The following ZNF638 variants were observed in gnomAD, a reference collection of about 807,000 sequenced individuals.
ZNF638 encodes the protein zinc finger protein 638, also known as CTCL tumor antigen se33-1.
Under a neutral mutation model 195.6 loss-of-function variants are expected in ZNF638, and 46 were observed. The observed-to-expected ratio is 0.24, with a 90% CI of 0.19 to 0.30. The LOEUF (loss-of-function observed/expected upper bound fraction) is 0.30, where lower values mean the gene tolerates loss of function less well. Ranked by LOEUF, ZNF638 falls within the 10% of genes least tolerant of loss-of-function variation. The pLI, the probability that ZNF638 is intolerant of heterozygous loss-of-function variation, is 1.00. For missense variants in ZNF638, 2,440 were observed against 2,325.3 expected (o/e 1.05, Z -1.01); for synonymous variants, 845 against 772.0 (o/e 1.09, Z -1.57).
rs1424365591 is a variant in ZNF638 at position 71,435,048 on chromosome 2, T to C, written c.*241T>C. 1 of 347,158 alleles carries C rather than the reference T, an allele frequency of 2.9e-6. No individual in the cohort carries two copies. Among genetic ancestry groups the C allele is most frequent in the Non-Finnish European group, 5.3e-6 (1 of 189,538 alleles). The allele number at this position is 347,158 out of a possible 1,614,324, so 21.5% of individuals were successfully genotyped here. ...TGTTAAAATAAATGTTCCTACTGTA[T>C]ATTTAAAATACCATCTGTGTTTGTG... On this transcript the variant is annotated 3_prime_UTR_variant, in exon 28 of 28. Transcript: ENST00000264447.
chr2:71,433,281 G>A lies in ZNF638; in HGVS notation c.5869G>A (p.Glu1957Lys). 6.2e-7 allele frequency: 1 copy of A among 1,601,054 alleles called. No homozygotes were observed. Among genetic ancestry groups the A allele is most frequent in the South Asian group, 1.1e-5 (1 of 89,664 alleles). Residue 1957 changes from glutamate (E) to lysine (K), a missense_variant and splice_region_variant, in exon 27 of 28, where the codon GAG (glutamate) becomes AAG (lysine). Coordinates refer to ENST00000264447, the MANE Select transcript of ZNF638 (RefSeq NM_014497.5). Reference protein sequence around the residue: ...CKSTRHKQNTEKFMAKQRKEK... With the variant: ...CKSTRHKQNTKKFMAKQRKEK... ...GAGTACACGTCATAAGCAAAATACT[G>A]AGGTAATTTTAAAAATTCTTACAAA...
intron 25 of ZNF638, chr2:71,431,078 C>G: frequency 5.9e-6 from 2 of 338,322 alleles, no homozygotes; most frequent in Non-Finnish European, 1.1e-5. Context: ...TCGTTAAATT[C>G]TGCCTGGAAC....
rs759453128 is a variant in ZNF638, at chr2:71,426,854, ATGTTAC to A, written c.4990_4995del (p.Thr1664_Val1665del). 9.3e-6 allele frequency: 15 copies of A among 1,614,108 alleles called. No individual in the cohort carries two copies. Among genetic ancestry groups the A allele is most frequent in the Non-Finnish European group, 1.0e-5 (12 of 1,179,954 alleles). On this transcript the variant is annotated inframe_deletion, in exon 24 of 28. Transcript: ENST00000264447. ...TGCATTTCCCACAGTGAACCTAAAG[ATGTTAC>A]TGTTCTGTCAGTGGCTGAAGAACAA...
At chr2:71,422,191 A>G (rs2080446791) in intron 21 of ZNF638, among the ~76,000 whole-genome samples, 1 of 152,306 alleles carries the variant, frequency 6.6e-6, no homozygotes, top group East Asian at 1.9e-4. Flanking sequence ...TTTTGTCACT[A>G]GCTTTAAATC....
rs370956108 is a variant in ZNF638, at chr2:71,356,440, C to T, written c.1379+660C>T. 7.6e-4 allele frequency among the ~76,000 whole-genome samples: 115 copies of T among 152,192 alleles called. No homozygotes were observed. The South Asian group carries it at 0.017, about 22-fold the overall frequency. On this transcript the variant is annotated intron_variant, in intron 3 of 27. Transcript: ENST00000264447. ...TTCCTAGCCACTAGACTGAGAGTAA[C>T]GTGTTATTGGGCAAATGGATTTGAG...
intron 10 of ZNF638, among the ~76,000 whole-genome samples, chr2:71,386,478 C>A (rs1020366115): frequency 2.6e-5 from 4 of 152,080 alleles, no homozygotes; most frequent in African/African-American, 4.8e-5. Flanking sequence ...TGCATCAACA[C>A]CTCTTTCAGT....
At chr2:71,371,201 C>T (rs968626498) in intron 8 of ZNF638, among the ~76,000 whole-genome samples, 1 of 152,114 alleles carries the variant, frequency 6.6e-6, no homozygotes, top group Admixed American at 6.5e-5. Flanking sequence ...CTGAAGAGTA[C>T]TCCATTGTGT....
At chr2:71,400,207 TCTTTA>T (rs1435844585) in intron 14 of ZNF638, 27 bp downstream of exon 14, 30 of 1,565,562 alleles carry the variant, frequency 1.9e-5, no homozygotes, top group Admixed American at 1.1e-4. Flanking sequence ...TTTATTTTGT[TCTTTA>T]CTTATTTTAA....
chr2:71,355,581 T>C, intron 2 of ZNF638, 138 bp from the exon 3 acceptor site: 2 of 606,966 alleles, frequency 3.3e-6, no homozygotes, highest in Non-Finnish European at 5.6e-6. Flanking sequence ...GTGAAAATTT[T>C]ACTGAGCAGC....
intron 7 of ZNF638, among the ~76,000 whole-genome samples, chr2:71,369,024 C>T (rs2079256361): frequency 6.6e-6 from 1 of 151,306 alleles, no homozygotes. Context: ...CAGTTCTTCA[C>T]ATAAGCACAA....
chr2:71,392,353 A>G (rs1168148098), intron 10 of ZNF638, among the ~76,000 whole-genome samples: 1 of 152,180 alleles, frequency 6.6e-6, no homozygotes, highest in Non-Finnish European at 1.5e-5. Flanking sequence ...AAACCACATA[A>G]TTCCCTCACT....
At chr2:71,421,385 A>T (rs974449154) in intron 21 of ZNF638, among the ~76,000 whole-genome samples, 1 of 152,116 alleles carries the variant, frequency 6.6e-6, no homozygotes, top group Non-Finnish European at 1.5e-5. Context: ...ACATTTTAGC[A>T]TGCAAAGAAT....
At chr2:71,365,317 T>G (rs1485973055) in intron 5 of ZNF638, 112 bp from the exon 6 acceptor site, 5 of 815,928 alleles carry the variant, frequency 6.1e-6, no homozygotes, top group Middle Eastern at 7.2e-4. Flanking sequence ...GATTTTTGTA[T>G]TGTCTGTGTG....
At chr2:71,392,956 T>TA (rs2079813552) in intron 10 of ZNF638, among the ~76,000 whole-genome samples, 1 of 152,216 alleles carries the variant, frequency 6.6e-6, no homozygotes, top group Non-Finnish European at 1.5e-5. Flanking sequence ...GTCCACACGA[T>TA]ACATCATTAA....
intron 26 of ZNF638, among the ~76,000 whole-genome samples, chr2:71,431,785 A>G (rs1218551503): frequency 4.0e-5 from 6 of 151,822 alleles, no homozygotes; most frequent in Non-Finnish European, 8.8e-5. Context: ...CAAAAACACC[A>G]TAATAAGTAT....
intron 1 of ZNF638, among the ~76,000 whole-genome samples, chr2:71,343,402 A>G (rs1307414675): frequency 1.3e-5 from 2 of 152,214 alleles, no homozygotes; most frequent in African/African-American, 4.8e-5. Flanking sequence ...ACCCCACCCC[A>G]CAGTGGCATG....
chr2:71,380,673 C>T (rs2079520186), intron 10 of ZNF638, 108 bp downstream of exon 10: 2 of 799,836 alleles, frequency 2.5e-6, no homozygotes, highest in African/African-American at 1.8e-5. Context: ...TGAAGGAGAC[C>T]CAAATTACAT....
At chr2:71,356,887 T>C (rs2079033747) in intron 3 of ZNF638, among the ~76,000 whole-genome samples, 1 of 152,142 alleles carries the variant, frequency 6.6e-6, no homozygotes, top group Non-Finnish European at 1.5e-5. Context: ...GGAGCAGCTG[T>C]ATTGGATGCT....
intron 9 of ZNF638, 71 bp downstream of exon 9, chr2:71,380,351 A>G: frequency 8.1e-7 from 1 of 1,234,430 alleles, no homozygotes; most frequent in South Asian, 1.5e-5. Context: ...AATTTTTAAA[A>G]CCGCATTTTA....
Sources: gnomAD v4.1 joint callset for allele counts (sites outside exome capture counted in the v4.1 genomes callset) on GRCh38, gnomAD v4.1.1 for gene constraint, MANE v1.5 for transcripts, NCBI Gene and HGNC (gene_info 2026-07-23, HGNC 2026-07-21) for gene names.